The following TMEM179 variants were observed in gnomAD, a reference collection of about 807,000 sequenced individuals.
The protein encoded by TMEM179 is transmembrane protein 179, also known as transmembrane protein 179A.
A neutral mutation model predicts 22.2 loss-of-function variants in TMEM179; 17 were observed. The ratio of observed to expected loss-of-function variants is 0.77; its 90% CI spans 0.52 to 1.15. The LOEUF is 1.15. Among genes scored for constraint, TMEM179 ranks in the 50% most tolerant of loss-of-function variants. The pLI is 0.00. For synonymous variants in TMEM179, 127 were observed against 140.5 expected, an observed-to-expected ratio of 0.90 and a Z score of 0.68; for missense variants, 265 against 313.6, an observed-to-expected ratio of 0.84 and a Z score of 1.17.
In TMEM179 at chr14:104,591,883, C is replaced by T. The variant is rs542591161; in HGVS notation, c.*1596G>A. On this transcript the variant is annotated 3_prime_UTR_variant, in exon 4 of 4. Transcript: ENST00000556573. ...CATCGAGCCCCGGGTGGGGAGGCCC[C>T]CCGCCTCCGCCCCCGCCCCAGAACG... 58 of 176,632 alleles carry T rather than the reference C, an allele frequency of 3.3e-4. No homozygotes were observed. Among genetic ancestry groups the T allele is most frequent in the Non-Finnish European group, 7.3e-5 (6 of 82,656 alleles). The allele number at this position is 176,632 out of a possible 1,614,324, so 10.9% of individuals were successfully genotyped here.
chr14:104,594,042 T>G lies in TMEM179; in HGVS notation c.523-384A>C, dbSNP rs552708590. ...AGGAGGGCGGGTAAACAGCGGAGGC[T>G]CCTCCAACCACCGGAATAAATTGAC... is the stretch of plus-strand genomic sequence containing the variant. On this transcript the variant is annotated intron_variant, in intron 3 of 3. Coordinates refer to ENST00000556573, the MANE Select transcript of TMEM179 (RefSeq NM_001286389.2). 4.1e-6 allele frequency: 5 copies of G among 1,229,904 alleles called. No individual in the cohort carries two copies. In the South Asian group the frequency reaches 1.3e-4, roughly 31 times the overall value. The allele number at this position is 1,229,904 out of a possible 1,614,324, so 76.2% of individuals were successfully genotyped here. A position where few individuals can be genotyped will look rare whatever the true frequency, so the allele number is the denominator to read the frequency against.
rs1269285111 is a variant in TMEM179 at position 104,595,282 on chromosome 14, G to A, written c.444-39C>T. Reference sequence around the variant, plus strand: ...ACATAGGGTGGAGGGTGACCACCAGGACAGCCAGTGCGGGACATGGCTGAG... The same window carrying A: ...ACATAGGGTGGAGGGTGACCACCAGAACAGCCAGTGCGGGACATGGCTGAG... On this transcript the variant is annotated intron_variant, in intron 2 of 3. Coordinates refer to ENST00000556573, the MANE Select transcript of TMEM179 (RefSeq NM_001286389.2). This position sits in a 1 kb window ranked among gnomAD's most constrained non-coding sequence, Gnocchi z 5.7. The A allele has an allele frequency of 6.3e-7, 1 of 1,587,160 alleles. No individual in the cohort carries two copies. Among genetic ancestry groups the A allele is most frequent in the Non-Finnish European group, 8.6e-7 (1 of 1,160,536 alleles).
At chr14:104,599,600 G>A (rs550383932) in intron 1 of TMEM179, among the ~76,000 whole-genome samples, 1 of 152,274 alleles carries the variant, frequency 6.6e-6, no homozygotes, top group Admixed American at 6.5e-5. Flanking sequence ...AGGGGCTAGG[G>A]GCCTATAGTC....
chr14:104,595,346 T>C lies in TMEM179; in HGVS notation c.444-103A>G, dbSNP rs1886985015. ...AGCCAGGAGCTTTGCCCTACAATTG[T>C]TGGGCGAGGGGGTGGGCAGCAGGGA... On this transcript the variant is annotated intron_variant, in intron 2 of 3. Coordinates refer to ENST00000556573, the MANE Select transcript of TMEM179 (RefSeq NM_001286389.2). This position sits in a 1 kb window ranked among gnomAD's most constrained non-coding sequence, Gnocchi z 5.7. The C allele has an allele frequency of 3.4e-6, 4 of 1,185,546 alleles. No homozygotes were observed. Among genetic ancestry groups the C allele is most frequent in the East Asian group, 4.9e-5 (2 of 41,042 alleles). 73.4% of individuals were successfully genotyped at this position (1,185,546 alleles called of 1,614,324 possible). A position where few individuals can be genotyped will look rare whatever the true frequency, so the allele number is the denominator to read the frequency against.
chr14:104,596,882 G>C, intron 2 of TMEM179, 108 bp downstream of exon 2: 1 of 1,425,276 alleles, frequency 7.0e-7, no homozygotes, highest in Non-Finnish European at 9.5e-7. Context: ...ACCAGGGACC[G>C]CAGACTCAGG....
chr14:104,603,894 C>T (rs1314206860), intron 1 of TMEM179, among the ~76,000 whole-genome samples: 3 of 152,218 alleles, frequency 2.0e-5, no homozygotes, highest in Non-Finnish European at 4.4e-5. Flanking sequence ...GCACAGCCCT[C>T]GCCCTGCAGT....
intron 3 of TMEM179, chr14:104,594,053 C>G (rs1421056646): frequency 3.2e-6 from 4 of 1,231,490 alleles, no homozygotes; most frequent in South Asian, 4.2e-5. Flanking sequence ...CCTCCAACCA[C>G]CGGAATAAAT....
intron 1 of TMEM179, among the ~76,000 whole-genome samples, chr14:104,598,993 C>T (rs955605018): frequency 2.0e-5 from 3 of 152,292 alleles, no homozygotes; most frequent in East Asian, 3.9e-4. Flanking sequence ...GAGTGGGTAC[C>T]GTGTGCCAGT....
Position 104,604,762 on chromosome 14 carries a change from G to C in TMEM179, c.-21C>G, listed in dbSNP as rs1230719470. Reference sequence around the variant, plus strand: ...GCCATGGCCGGCCCGGGCGAGAGCGGCGGCGGGAAGGCCGCGGGAGGCTGC... The same window carrying C: ...GCCATGGCCGGCCCGGGCGAGAGCGCCGGCGGGAAGGCCGCGGGAGGCTGC... On this transcript the variant is annotated 5_prime_UTR_variant, in exon 1 of 4. Coordinates refer to ENST00000556573, the MANE Select transcript of TMEM179 (RefSeq NM_001286389.2). The surrounding 1 kb of genome is among the most constrained non-coding windows in gnomAD (Gnocchi z 4.6). The C allele has an allele frequency of 1.3e-6, 2 of 1,496,174 alleles. No individual in the cohort carries two copies. The highest frequency in any genetic ancestry group is 1.8e-6 in the Non-Finnish European group (2 of 1,126,842). 92.7% of individuals were successfully genotyped at this position (1,496,174 alleles called of 1,614,324 possible).
intron 2 of TMEM179, among the ~76,000 whole-genome samples, chr14:104,596,195 T>C (rs1050703810): frequency 7.2e-5 from 11 of 152,352 alleles, no homozygotes; most frequent in Middle Eastern, 3.4e-3. Flanking sequence ...CTGCATCTGT[T>C]GCAGATGCTG....
chr14:104,598,493 C>G (rs1253341537), intron 1 of TMEM179, among the ~76,000 whole-genome samples: 1 of 152,260 alleles, frequency 6.6e-6, no homozygotes, highest in Non-Finnish European at 1.5e-5. Flanking sequence ...AACTCGGCAG[C>G]TGCTGATGAG....
rs1295698393 is a variant in TMEM179, at chr14:104,594,198, C to A, written c.523-540G>T. On this transcript the variant is annotated intron_variant, in intron 3 of 3. Transcript: ENST00000556573. ...CACTCACACCTTAATCCAACTGGCACAAATTAGGCCTGAGGCCTCTTCCAC... is the reference window on the plus strand; with the variant it reads ...CACTCACACCTTAATCCAACTGGCAAAAATTAGGCCTGAGGCCTCTTCCAC... 2.4e-6 allele frequency: 3 copies of A among 1,231,834 alleles called. No homozygotes were observed. In the African/African-American group the frequency reaches 4.7e-5, roughly 19 times the overall value. 76.3% of individuals were successfully genotyped at this position (1,231,834 alleles called of 1,614,324 possible).
chr14:104,596,754 C>G (rs1054728582), intron 2 of TMEM179, among the ~76,000 whole-genome samples: 1 of 152,170 alleles, frequency 6.6e-6, no homozygotes, highest in Non-Finnish European at 1.5e-5. Context: ...GATGATCGCT[C>G]TTGTGTGACG....
Position 104,592,874 on chromosome 14 carries a change from C to G in TMEM179, c.*605G>C, listed in dbSNP as rs1886891447. 1.3e-5 allele frequency: 2 copies of G among 155,388 alleles called. No homozygotes were observed. The highest frequency in any genetic ancestry group is 1.3e-4 in the Admixed American group (2 of 15,828). The allele number at this position is 155,388 out of a possible 1,614,324, so 9.6% of individuals were successfully genotyped here. On this transcript the variant is annotated 3_prime_UTR_variant, in exon 4 of 4. Coordinates refer to ENST00000556573, the MANE Select transcript of TMEM179 (RefSeq NM_001286389.2). ...CTCAGCCAAGCACAGACAGGACCCA[C>G]ACACAGTGAGGTGAACTCACAGGCC...
At position 104,604,517 on chromosome 14, in the gene TMEM179, C is replaced by T. The variant is rs756335897; in HGVS notation, c.225G>A (p.Leu75=). The T allele has an allele frequency of 9.0e-6, 14 of 1,563,136 alleles. No individual in the cohort carries two copies. The South Asian group carries it at 1.3e-4, about 14-fold the overall frequency. Residue 75 remains leucine (L), a synonymous_variant, in exon 1 of 4, where the codon CTG becomes CTA. Transcript: ENST00000556573. The surrounding 1 kb of genome is among the most constrained non-coding windows in gnomAD (Gnocchi z 4.6). ...WGPPAACRFS[L]LASLLSLLLA... ...GCAGCAGAGACAGGAGGCTGGCGAG[C>T]AGGCTGAAGCGGCAGGCGGCCGGCG... is the stretch of plus-strand genomic sequence containing the variant.
At chr14:104,598,619 C>A (rs1887125530) in intron 1 of TMEM179, among the ~76,000 whole-genome samples, 1 of 152,232 alleles carries the variant, frequency 6.6e-6, no homozygotes, top group African/African-American at 2.4e-5. Flanking sequence ...AAGTCCTGGC[C>A]CCGGGAGGTG....
At position 104,593,362 on chromosome 14, in the gene TMEM179, C is replaced by T. The variant is rs1291906855; in HGVS notation, c.*117G>A. On this transcript the variant is annotated 3_prime_UTR_variant, in exon 4 of 4. Coordinates refer to ENST00000556573, the MANE Select transcript of TMEM179 (RefSeq NM_001286389.2). ...CTACACGTGGCGTCGAGGGGACACA[C>T]GCAGGGCTGCATGTGGCCAGGGCCC... The T allele has an allele frequency of 7.0e-6, 9 of 1,287,026 alleles. No homozygotes were observed. Among genetic ancestry groups the T allele is most frequent in the Admixed American group, 4.2e-5 (2 of 47,798 alleles). 79.7% of individuals were successfully genotyped at this position (1,287,026 alleles called of 1,614,324 possible).
chr14:104,593,553 G>A lies in TMEM179; in HGVS notation c.628C>T (p.His210Tyr), dbSNP rs1178771567. 6.5e-7 allele frequency: 1 copy of A among 1,534,664 alleles called. No homozygotes were observed. Among genetic ancestry groups the A allele is most frequent in the Admixed American group, 2.0e-5 (1 of 50,920 alleles). The change falls in exon 4 of 4, where the codon CAC becomes TAC. Residue 210 changes from histidine to tyrosine, a missense_variant. Transcript: ENST00000556573. ...RQEDLLDSLI[H>Y]EKELLLARPS... is the part of the protein sequence containing the mutation. ...CGGGCCAGCAGCAGCTCCTTCTCGT[G>A]GATCAGGCTGTCCAGCAGGTCCTCC...
chr14:104,591,763 A>G lies in TMEM179; in HGVS notation c.*1716T>C. The G allele has an allele frequency of 4.3e-6, 1 of 232,016 alleles. No individual in the cohort carries two copies. Among genetic ancestry groups the G allele is most frequent in the South Asian group, 4.9e-5 (1 of 20,590 alleles). 14.4% of individuals were successfully genotyped at this position (232,016 alleles called of 1,614,324 possible). On this transcript the variant is annotated 3_prime_UTR_variant, in exon 4 of 4. Coordinates refer to ENST00000556573, the MANE Select transcript of TMEM179 (RefSeq NM_001286389.2). Reference sequence around the variant, plus strand: ...CTGATGGTGGACAGGGTGGGTCATGAACTCAGGGAGCCAGGGGCTCGCCTC... The same window carrying G: ...CTGATGGTGGACAGGGTGGGTCATGGACTCAGGGAGCCAGGGGCTCGCCTC...
Sources: gnomAD v4.1 joint callset for allele counts (sites outside exome capture counted in the v4.1 genomes callset) on GRCh38, gnomAD v4.1.1 for gene constraint, Gnocchi (gnomAD v3.1) non-coding constraint, MANE v1.5 for transcripts, NCBI Gene and HGNC (gene_info 2026-07-23, HGNC 2026-07-21) for gene names.